PRKCA: variants seen among roughly 807,000 people sequenced by gnomAD.
PRKCA encodes the protein protein kinase C alpha type.
Under a neutral mutation model 87.0 loss-of-function variants are expected in PRKCA, and 27 were observed. That is an observed-to-expected ratio of 0.31 (90% CI 0.23 to 0.43). The LOEUF (loss-of-function observed/expected upper bound fraction) is 0.43, where lower values mean the gene tolerates loss of function less well. Ranked by LOEUF, PRKCA falls within the 20% of genes least tolerant of loss-of-function variation. The pLI, the probability that PRKCA is intolerant of heterozygous loss-of-function variation, is 1.00. For missense variants in PRKCA, 518 were observed against 852.3 expected (o/e 0.61, Z 4.88); for synonymous variants, 329 against 311.1 (o/e 1.06, Z -0.61).
chr17:66,509,188 G>A (rs1407638459), intron 3 of PRKCA, among the ~76,000 whole-genome samples: 2 of 149,138 alleles, frequency 1.3e-5, no homozygotes, highest in African/African-American at 5.1e-5. Context: ...ATGTGTGTGT[G>A]TGTGTGTGTG....
At chr17:66,415,817 C>G (rs1261752498) in intron 2 of PRKCA, 2 of 152,130 alleles carry the variant, frequency 1.3e-5, no homozygotes, top group African/African-American at 4.8e-5. Flanking sequence ...AGTGCCTGCT[C>G]AAACTTGTTG....
At chr17:66,771,901 T>C (rs2144330898) in intron 13 of PRKCA, among the ~76,000 whole-genome samples, 1 of 152,362 alleles carries the variant, frequency 6.6e-6, no homozygotes, top group East Asian at 1.9e-4. Flanking sequence ...GCCGCTTCCT[T>C]ATTTCTTTAG....
At chr17:66,719,399 G>A (rs1284510427) in intron 8 of PRKCA, among the ~76,000 whole-genome samples, 1 of 152,168 alleles carries the variant, frequency 6.6e-6, no homozygotes, top group Non-Finnish European at 1.5e-5. Context: ...ATGTCCACCA[G>A]AATGTTATTA....
At chr17:66,374,091 G>A (rs774601207) in intron 2 of PRKCA, among the ~76,000 whole-genome samples, 20 of 152,098 alleles carry the variant, frequency 1.3e-4, no homozygotes, top group Admixed American at 3.3e-4. Context: ...GGAGGAGTCC[G>A]CAAGGGAGGA....
intron 2 of PRKCA, among the ~76,000 whole-genome samples, chr17:66,441,703 G>A (rs1188778323): frequency 6.6e-6 from 1 of 152,068 alleles, no homozygotes; most frequent in Non-Finnish European, 1.5e-5. Context: ...TTTTCAACCT[G>A]TAGCCAGTTT....
At chr17:66,730,806 A>G (rs1413708184) in intron 8 of PRKCA, among the ~76,000 whole-genome samples, 2 of 152,212 alleles carry the variant, frequency 1.3e-5, no homozygotes, top group East Asian at 3.8e-4. Flanking sequence ...CTGCAAATGC[A>G]GAGGCTCCCC....
intron 3 of PRKCA, among the ~76,000 whole-genome samples, chr17:66,524,248 T>A (rs549071396): frequency 2.0e-5 from 3 of 152,202 alleles, no homozygotes; most frequent in Non-Finnish European, 4.4e-5. Flanking sequence ...AGGGGCATTG[T>A]TCAGTGGAAG....
chr17:66,303,134 C>A, intron 1 of PRKCA, 110 bp downstream of exon 1: 2 of 1,412,210 alleles, frequency 1.4e-6, no homozygotes, highest in Non-Finnish European at 1.9e-6. Flanking sequence ...TAACTTGGAA[C>A]CGGCGGGAGT....
At chr17:66,638,903 A>G (rs1174319491) in intron 3 of PRKCA, among the ~76,000 whole-genome samples, 1 of 152,164 alleles carries the variant, frequency 6.6e-6, no homozygotes, top group Non-Finnish European at 1.5e-5. Context: ...TTTAGGTTCC[A>G]TAGTCAACCA....
chr17:66,375,066 C>T (rs558851242), intron 2 of PRKCA, among the ~76,000 whole-genome samples: 1 of 6,726 alleles, frequency 1.5e-4, no homozygotes, highest in Admixed American at 3.1e-3. Flanking sequence ...GAATCTTTAT[C>T]CTTTCTGCAT....
intron 3 of PRKCA, among the ~76,000 whole-genome samples, chr17:66,542,723 T>C (rs1968024396): frequency 6.6e-6 from 1 of 152,202 alleles, no homozygotes; most frequent in South Asian, 2.1e-4. Flanking sequence ...TCTCAACAAA[T>C]GTGTATTGTA....
intron 8 of PRKCA, among the ~76,000 whole-genome samples, chr17:66,730,830 G>A (rs576690201): frequency 6.6e-6 from 1 of 152,350 alleles, no homozygotes; most frequent in Admixed American, 6.5e-5. Flanking sequence ...AGAGCACAAG[G>A]GGGCTCAATC....
intron 3 of PRKCA, among the ~76,000 whole-genome samples, chr17:66,639,989 T>C (rs530380848): frequency 2.0e-3 from 294 of 150,552 alleles, no homozygotes; most frequent in African/African-American, 6.9e-3. Context: ...AGTGAGACTC[T>C]GTCTCAAAAA....
chr17:66,552,541 G>A (rs75065290), intron 3 of PRKCA, among the ~76,000 whole-genome samples: 15,113 of 152,136 alleles, frequency 0.099, 944 homozygotes, highest in African/African-American at 0.18. Flanking sequence ...CCTCGTTGAC[G>A]TTAGACTGGA....
At chr17:66,775,587 A>G (rs1372512429) in intron 14 of PRKCA, 37 of 985,426 alleles carry the variant, frequency 3.8e-5, no homozygotes, top group Non-Finnish European at 4.3e-5. Context: ...CTCACATGCT[A>G]GTGCCAAGAC....
chr17:66,380,938 T>G (rs1279999657), intron 2 of PRKCA, among the ~76,000 whole-genome samples: 1 of 143,306 alleles, frequency 7.0e-6, no homozygotes, highest in East Asian at 2.1e-4. Flanking sequence ...TTATTTTTTA[T>G]TTTTCTTTTT....
chr17:66,704,175 A>C (rs1220190638), intron 8 of PRKCA, among the ~76,000 whole-genome samples: 3 of 149,408 alleles, frequency 2.0e-5, no homozygotes, highest in African/African-American at 4.9e-5. Context: ...AAAAAAAAAA[A>C]CAGGAATAGG....
intron 2 of PRKCA, among the ~76,000 whole-genome samples, chr17:66,395,048 A>G (rs1360387197): frequency 6.6e-6 from 1 of 152,226 alleles, no homozygotes; most frequent in African/African-American, 2.4e-5. Flanking sequence ...TTTAAATTGA[A>G]TATTGTAACT....
intron 2 of PRKCA, among the ~76,000 whole-genome samples, chr17:66,459,801 C>A (rs1914764600): frequency 6.6e-6 from 1 of 152,210 alleles, no homozygotes; most frequent in Admixed American, 6.5e-5. Context: ...GTATCACTCT[C>A]TACTGCTTTC....
Sources: allele counts gnomAD v4.1 joint callset (sites outside exome capture counted in the v4.1 genomes callset), GRCh38; gene constraint gnomAD v4.1.1; transcripts MANE v1.5; gene names NCBI Gene and HGNC (gene_info 2026-07-23, HGNC 2026-07-21).